The following BBS9 variants were observed in gnomAD, a reference collection of about 807,000 sequenced individuals.
The protein encoded by BBS9 is Bardet-Biedl syndrome 9.
Under a neutral mutation model 117.7 loss-of-function variants are expected in BBS9, and 89 were observed. That is an observed-to-expected ratio of 0.76 (90% CI 0.64 to 0.90). BBS9 has a LOEUF of 0.90. BBS9 is among the 40% of genes least tolerant of loss of function. The pLI is 0.00. For missense variants in BBS9, 982 were observed against 1,042.2 expected (o/e 0.94, Z 0.80); for synonymous variants, 379 against 370.9 (o/e 1.02, Z -0.25).
intron 20 of BBS9, among the ~76,000 whole-genome samples, chr7:33,516,059 T>C (rs1185351467): frequency 6.6e-6 from 1 of 152,222 alleles, no homozygotes; most frequent in Non-Finnish European, 1.5e-5. Context: ...TAATATGAAC[T>C]GCTAAGATAA....
intron 6 of BBS9, among the ~76,000 whole-genome samples, chr7:33,258,339 GTCT>G (rs2128314108): frequency 6.6e-6 from 1 of 152,242 alleles, no homozygotes; most frequent in East Asian, 1.9e-4. Context: ...GTAAATTTTT[GTCT>G]TCATGTTTCA....
At chr7:33,222,439 G>A (rs1790420205) in intron 5 of BBS9, among the ~76,000 whole-genome samples, 1 of 152,088 alleles carries the variant, frequency 6.6e-6, no homozygotes, top group African/African-American at 2.4e-5. Context: ...GGAAATGAAG[G>A]AAGAAGATGC....
chr7:33,419,615 C>CT (rs961669529), intron 19 of BBS9, among the ~76,000 whole-genome samples: 2 of 151,992 alleles, frequency 1.3e-5, no homozygotes, highest in African/African-American at 4.8e-5. Context: ...TATTAGATAA[C>CT]TTTTTTTGTA....
intron 21 of BBS9, chr7:33,534,480 A>C (rs1294158418): frequency 2.3e-6 from 1 of 440,680 alleles, no homozygotes; most frequent in Non-Finnish European, 4.2e-6. Context: ...ATTTTTAAGA[A>C]AAAGTTTTAC....
chr7:33,277,266 C>T (rs1043323150), intron 9 of BBS9, among the ~76,000 whole-genome samples: 5 of 152,144 alleles, frequency 3.3e-5, no homozygotes, highest in East Asian at 1.9e-4. Context: ...TTTAATGTGA[C>T]GAGAAATCAC....
chr7:33,455,680 A>G (rs955922199), intron 19 of BBS9, among the ~76,000 whole-genome samples: 9 of 152,164 alleles, frequency 5.9e-5, no homozygotes, highest in South Asian at 2.1e-4. Flanking sequence ...AAACACCCCC[A>G]TGTGGTGTGG....
intron 9 of BBS9, among the ~76,000 whole-genome samples, chr7:33,300,615 T>G (rs929791231): frequency 6.6e-6 from 1 of 151,828 alleles, no homozygotes; most frequent in Admixed American, 6.6e-5. Context: ...TTTCCTTGTT[T>G]TTTTTTTTTT....
At chr7:33,207,553 T>C (rs1281551021) in intron 5 of BBS9, among the ~76,000 whole-genome samples, 1 of 150,878 alleles carries the variant, frequency 6.6e-6, no homozygotes, top group Admixed American at 6.6e-5. Context: ...TTTTTTTTGT[T>C]AGCATTTCTT....
At chr7:33,218,039 A>G (rs974739691) in intron 5 of BBS9, among the ~76,000 whole-genome samples, 1 of 152,142 alleles carries the variant, frequency 6.6e-6, no homozygotes, top group African/African-American at 2.4e-5. Context: ...TAGGTTTAAA[A>G]ATAATTGTAC....
intron 21 of BBS9, among the ~76,000 whole-genome samples, chr7:33,550,725 T>A (rs1265740836): frequency 6.6e-6 from 1 of 152,196 alleles, no homozygotes; most frequent in East Asian, 1.9e-4. Context: ...AAGTCCTGAT[T>A]TATGTGTCAT....
At chr7:33,189,501 T>C (rs1783694930) in intron 5 of BBS9, among the ~76,000 whole-genome samples, 2 of 151,816 alleles carry the variant, frequency 1.3e-5, no homozygotes, top group African/African-American at 2.4e-5. Context: ...AGTCAGACCC[T>C]TTGGAAAAAA....
At chr7:33,553,346 A>G (rs540346647) in intron 21 of BBS9, among the ~76,000 whole-genome samples, 1 of 152,304 alleles carries the variant, frequency 6.6e-6, no homozygotes, top group South Asian at 2.1e-4. Context: ...CTGCCATGTA[A>G]TGGGTGTCCC....
intron 19 of BBS9, among the ~76,000 whole-genome samples, chr7:33,396,708 C>A (rs1339058610): frequency 6.6e-6 from 1 of 152,052 alleles, no homozygotes; most frequent in African/African-American, 2.4e-5. Flanking sequence ...CAATTGTAAG[C>A]AAAGAGAACA....
intron 20 of BBS9, among the ~76,000 whole-genome samples, chr7:33,514,143 C>G (rs77885246): frequency 0.027 from 4,058 of 152,240 alleles, 82 homozygotes; most frequent in Non-Finnish European, 0.037. Context: ...GTTCAAATCC[C>G]TTTTGGAACA....
intron 19 of BBS9, among the ~76,000 whole-genome samples, chr7:33,492,475 G>A (rs148621087): frequency 1.3e-5 from 2 of 152,214 alleles, no homozygotes; most frequent in African/African-American, 2.4e-5. Flanking sequence ...TGATGAGGAC[G>A]ATCTCTGTTT....
Position 33,219,280 on chromosome 7 carries a change from G to A in BBS9, c.443-37956G>A, listed in dbSNP as rs535172292. Among the ~76,000 whole-genome samples the A allele has an allele frequency of 1.7e-3, 265 of 152,316 alleles. 5 individuals are homozygous for A. Among genetic ancestry groups the A allele is most frequent in the East Asian group, 9.7e-4 (5 of 5,174 alleles). On this transcript the variant is annotated intron_variant, in intron 5 of 22. Coordinates refer to ENST00000242067, the MANE Select transcript of BBS9 (RefSeq NM_198428.3). ...CCACCCCCTCCGTGGGCTCCTGTGC[G>A]GCCGAGCTTCCCCGGTGAGCGCCGC...
rs542341903 is a variant in BBS9 at position 33,555,368 on chromosome 7, C to G, written c.2521+21192C>G. The stretch of plus-strand genomic sequence containing the variant: ...CCTTCCTTACATTCAGGTGCTGTCA[C>G]AGGCAATGGAAAAATAATGGTGAGC... On this transcript the variant is annotated intron_variant, in intron 21 of 22. Transcript: ENST00000242067. Among the ~76,000 whole-genome samples, 4 of 152,282 alleles carry G rather than the reference C, an allele frequency of 2.6e-5. No homozygotes were observed. In the South Asian group the frequency reaches 8.3e-4, roughly 32 times the overall value.
intron 21 of BBS9, among the ~76,000 whole-genome samples, chr7:33,548,548 C>G (rs1204486355): frequency 7.3e-6 from 1 of 136,930 alleles, no homozygotes; most frequent in Non-Finnish European, 1.5e-5. Context: ...CTTCCTGTGT[C>G]CATGTGATCT....
chr7:33,373,609 C>A (rs564970095), intron 17 of BBS9, among the ~76,000 whole-genome samples: 30 of 152,266 alleles, frequency 2.0e-4, no homozygotes, highest in Middle Eastern at 3.4e-3. Flanking sequence ...CAGAACACTT[C>A]CGGTCCTGAG....
Sources: gnomAD v4.1 joint callset for allele counts (sites outside exome capture counted in the v4.1 genomes callset) on GRCh38, gnomAD v4.1.1 for gene constraint, MANE v1.5 for transcripts, NCBI Gene and HGNC (gene_info 2026-07-23, HGNC 2026-07-21) for gene names.